The following EYS variants were observed in gnomAD, a reference collection of about 807,000 sequenced individuals.
EYS encodes EGF-like photoreceptor maintenance factor, also known as protein eyes shut homolog.
EYS carries 250 observed loss-of-function variants against 282.1 expected under a neutral mutation model. The ratio of observed to expected loss-of-function variants is 0.89; its 90% CI spans 0.80 to 0.98. The LOEUF is 0.98. EYS is among the 50% of genes least tolerant of loss of function. EYS has a pLI of 0.00. For synonymous variants in EYS, 1,355 were observed against 1,282.9 expected (o/e 1.06, Z -1.20); for missense variants, 4,016 against 3,709.0 (o/e 1.08, Z -2.15).
At chr6:64,835,100 G>A (rs944455900) in intron 19 of EYS, among the ~76,000 whole-genome samples, 2 of 151,634 alleles carry the variant, frequency 1.3e-5, no homozygotes, top group African/African-American at 4.8e-5. Flanking sequence ...CAGGAAGCAA[G>A]GGCTTATTTA....
intron 33 of EYS, among the ~76,000 whole-genome samples, chr6:64,058,303 A>T (rs935366930): frequency 2.0e-5 from 3 of 152,058 alleles, no homozygotes; most frequent in Non-Finnish European, 4.4e-5. Context: ...CTATATTTTG[A>T]GTGAACTCAG....
chr6:65,117,236 A>C (rs1004052945), intron 12 of EYS, among the ~76,000 whole-genome samples: 1 of 152,210 alleles, frequency 6.6e-6, no homozygotes, highest in Non-Finnish European at 1.5e-5. Flanking sequence ...TGAATGAATG[A>C]AAACTGCTTT....
At chr6:65,439,934 A>G (rs1280522440) in intron 5 of EYS, among the ~76,000 whole-genome samples, 2 of 152,116 alleles carry the variant, frequency 1.3e-5, no homozygotes, top group Non-Finnish European at 2.9e-5. Context: ...TGGCCAGATG[A>G]AACCAAAGAT....
chr6:63,722,097 TATG>T (rs1197847634), intron 42 of EYS, among the ~76,000 whole-genome samples: 2 of 152,178 alleles, frequency 1.3e-5, no homozygotes, highest in Non-Finnish European at 2.9e-5. Context: ...GCCTGTTCCT[TATG>T]ATACCATTTA....
At chr6:64,875,963 ATTATT>A (rs1449980951) in intron 19 of EYS, among the ~76,000 whole-genome samples, 1 of 151,972 alleles carries the variant, frequency 6.6e-6, no homozygotes, top group East Asian at 1.9e-4. Context: ...CTGCTTCAAG[ATTATT>A]TTATATTATA....
chr6:63,782,045 A>T (rs1442857491), intron 39 of EYS, among the ~76,000 whole-genome samples: 1 of 152,168 alleles, frequency 6.6e-6, no homozygotes, highest in African/African-American at 2.4e-5. Context: ...TATATGATGG[A>T]TTACATTTAT....
At chr6:65,064,674 A>G (rs1773690464) in intron 12 of EYS, among the ~76,000 whole-genome samples, 1 of 151,624 alleles carries the variant, frequency 6.6e-6, no homozygotes, top group African/African-American at 2.4e-5. Flanking sequence ...TATGGTTCAA[A>G]CTCAGGCAGA....
chr6:64,150,615 C>T (rs1019374821), intron 31 of EYS, among the ~76,000 whole-genome samples: 2 of 152,002 alleles, frequency 1.3e-5, no homozygotes, highest in African/African-American at 2.4e-5. Context: ...TCATAAATTA[C>T]CTCATAAACA....
chr6:63,901,202 T>C (rs2149731394), intron 35 of EYS, among the ~76,000 whole-genome samples: 1 of 152,084 alleles, frequency 6.6e-6, no homozygotes, highest in East Asian at 1.9e-4. Context: ...AAATAGAGAA[T>C]CAAATGGAAA....
chr6:65,190,786 A>C (rs2150239435), intron 12 of EYS, among the ~76,000 whole-genome samples: 1 of 151,958 alleles, frequency 6.6e-6, no homozygotes, highest in Admixed American at 6.6e-5. Context: ...ATATTCCATA[A>C]TCTGCATGTA....
At chr6:64,548,083 C>T (rs923030805) in intron 26 of EYS, among the ~76,000 whole-genome samples, 4 of 152,206 alleles carry the variant, frequency 2.6e-5, no homozygotes, top group South Asian at 2.1e-4. Flanking sequence ...CCGGCTCCAG[C>T]CTCGGCCAGC....
chr6:65,367,150 A>G (rs901836338), intron 8 of EYS, among the ~76,000 whole-genome samples: 2 of 151,690 alleles, frequency 1.3e-5, no homozygotes, highest in Non-Finnish European at 2.9e-5. Context: ...CTGGATGCTC[A>G]GAAACTGTTG....
At chr6:64,275,235 G>C (rs917227637) in intron 30 of EYS, among the ~76,000 whole-genome samples, 2 of 152,168 alleles carry the variant, frequency 1.3e-5, no homozygotes, top group South Asian at 4.1e-4. Context: ...TTTGCGATTG[G>C]TGCTAACCCG....
chr6:63,843,613 G>T (rs1040410791), intron 36 of EYS, among the ~76,000 whole-genome samples: 2 of 152,108 alleles, frequency 1.3e-5, no homozygotes, highest in African/African-American at 4.8e-5. Context: ...AAAATAATAA[G>T]AGCTATTTAT....
chr6:64,560,202 A>G (rs80080245), intron 26 of EYS, among the ~76,000 whole-genome samples: 4,585 of 151,888 alleles, frequency 0.03, 149 homozygotes, highest in East Asian at 0.11. Flanking sequence ...ATATTTTCCT[A>G]GTTTTACTTT....
At chr6:64,228,009 A>G (rs531637094) in intron 31 of EYS, among the ~76,000 whole-genome samples, 2 of 152,252 alleles carry the variant, frequency 1.3e-5, no homozygotes, top group African/African-American at 2.4e-5. Flanking sequence ...TTCATCATCT[A>G]TAGCATGATT....
intron 12 of EYS, among the ~76,000 whole-genome samples, chr6:65,203,005 C>T (rs1765941781): frequency 6.6e-6 from 1 of 152,192 alleles, no homozygotes; most frequent in Non-Finnish European, 1.5e-5. Context: ...CAGTGCCGCA[C>T]AGCTTTGCCC....
At chr6:65,588,795 C>T (rs1468567597) in intron 2 of EYS, among the ~76,000 whole-genome samples, 1 of 151,980 alleles carries the variant, frequency 6.6e-6, no homozygotes, top group Non-Finnish European at 1.5e-5. Context: ...CCTAAACTAA[C>T]ATTCTGCAGA....
chr6:65,378,466 G>A (rs1414162139), intron 8 of EYS, among the ~76,000 whole-genome samples: 1 of 152,122 alleles, frequency 6.6e-6, no homozygotes, highest in Non-Finnish European at 1.5e-5. Flanking sequence ...CATTGTAGAA[G>A]ACAGTGTGGC....
Sources: gnomAD v4.1 joint callset for allele counts (sites outside exome capture counted in the v4.1 genomes callset) on GRCh38, gnomAD v4.1.1 for gene constraint, MANE v1.5 for transcripts, NCBI Gene and HGNC (gene_info 2026-07-23, HGNC 2026-07-21) for gene names.